The following HIVEP2 variants were observed in gnomAD, a reference collection of about 807,000 sequenced individuals.
HIVEP2 encodes transcription factor HIVEP2.
Under a neutral mutation model 180.7 loss-of-function variants are expected in HIVEP2, and 14 were observed. That is an observed-to-expected ratio of 0.08 (90% confidence interval 0.05 to 0.12). The LOEUF (loss-of-function observed/expected upper bound fraction) is 0.12. HIVEP2 is among the 10% of genes least tolerant of loss of function. The probability of loss-of-function intolerance (pLI) is 1.00; values close to 1 mark genes in which losing one functional copy is unlikely to be tolerated. For missense variants in HIVEP2, 2,579 were observed against 3,008.5 expected (o/e 0.86, Z 3.34); for synonymous variants, 1,184 against 1,136.4 (o/e 1.04, Z -0.84).
At chr6:142,889,158 GGACACTGCATT>G (rs1456248310) in intron 1 of HIVEP2, among the ~76,000 whole-genome samples, 5 of 152,180 alleles carry the variant, frequency 3.3e-5, no homozygotes, top group Non-Finnish European at 5.9e-5. Context: ...CTGAATGACA[GGACACTGCATT>G]GACATTTTAA....
At chr6:142,942,348 T>G (rs141140696) in intron 1 of HIVEP2, among the ~76,000 whole-genome samples, 2,888 of 151,994 alleles carry the variant, frequency 0.019, 57 homozygotes, top group Non-Finnish European at 0.027. Context: ...TTAAATTAAA[T>G]CAGCATAAAA....
intron 2 of HIVEP2, among the ~76,000 whole-genome samples, chr6:142,834,815 T>C (rs1277754559): frequency 6.6e-6 from 1 of 152,124 alleles, no homozygotes; most frequent in Non-Finnish European, 1.5e-5. Context: ...TAAAATTTAT[T>C]ATTTGTAAAA....
chr6:142,767,242 T>G (rs1775400837), intron 6 of HIVEP2, among the ~76,000 whole-genome samples: 1 of 152,178 alleles, frequency 6.6e-6, no homozygotes, highest in Admixed American at 6.5e-5. Flanking sequence ...TCTCAGTCTC[T>G]GAGGAGAGAT....
chr6:142,753,045 C>A lies in HIVEP2; in HGVS notation c.*62G>T. 2 of 1,027,456 alleles carry A rather than the reference C, an allele frequency of 1.9e-6. No homozygotes were observed. Among genetic ancestry groups the A allele is most frequent in the Non-Finnish European group, 3.0e-6 (2 of 655,994 alleles). The allele number at this position is 1,027,456 out of a possible 1,614,324, so 63.6% of individuals were successfully genotyped here. A position where few individuals can be genotyped will look rare whatever the true frequency, so the allele number is the denominator to read the frequency against. ...GCTATAAACTGGATTACCTCCATTT[C>A]TAGAAAAACAAAAACAAAAAAATGG... On this transcript the variant is annotated 3_prime_UTR_variant, in exon 10 of 10. Transcript: ENST00000367603.
At chr6:142,796,442 C>T (rs1776280924) in intron 2 of HIVEP2, among the ~76,000 whole-genome samples, 2 of 152,116 alleles carry the variant, frequency 1.3e-5, no homozygotes, top group Admixed American at 1.3e-4. Context: ...GTATTATATA[C>T]TGTATTCCTA....
intron 1 of HIVEP2, among the ~76,000 whole-genome samples, chr6:142,882,050 T>C (rs550434272): frequency 1.3e-5 from 2 of 152,290 alleles, no homozygotes; most frequent in African/African-American, 4.8e-5. Flanking sequence ...TCACGCTCTC[T>C]CCTGACATCA....
At chr6:142,798,274 AAAAAG>A (rs547612498) in intron 2 of HIVEP2, among the ~76,000 whole-genome samples, 121 of 152,202 alleles carry the variant, frequency 7.9e-4, no homozygotes, top group African/African-American at 2.4e-3. Context: ...GTCTCAAAAA[AAAAAG>A]AAAAGAAAAG....
In HIVEP2 at chr6:142,783,556, G is replaced by A. The variant is rs1235204046; in HGVS notation, c.-468C>T. 2 of 151,952 alleles carry A rather than the reference G, an allele frequency of 1.3e-5. No homozygotes were observed. The highest frequency in any genetic ancestry group is 1.5e-5 in the Non-Finnish European group (1 of 67,986). The allele number at this position is 151,952 out of a possible 1,614,324, so 9.4% of individuals were successfully genotyped here. On this transcript the variant is annotated 5_prime_UTR_variant, in exon 3 of 10. It adds an upstream start codon to the 5' untranslated region. Transcript: ENST00000367603. ...CATATCAAAAAACTGCATCACAACC[G>A]TCTTTGATTTCCAAGATGCCAACTC...
intron 1 of HIVEP2, among the ~76,000 whole-genome samples, chr6:142,862,378 C>A (rs1001826489): frequency 6.7e-6 from 1 of 149,172 alleles, no homozygotes; most frequent in African/African-American, 2.5e-5. Context: ...TACATATAAT[C>A]GATTACATGT....
chr6:142,815,577 G>T (rs1314069383), intron 2 of HIVEP2, among the ~76,000 whole-genome samples: 14 of 152,082 alleles, frequency 9.2e-5, no homozygotes, highest in African/African-American at 2.4e-4. Context: ...TTCTAACATA[G>T]ATTAATCTTT....
At chr6:142,849,591 T>G (rs1775598558) in intron 1 of HIVEP2, among the ~76,000 whole-genome samples, 1 of 152,044 alleles carries the variant, frequency 6.6e-6, no homozygotes. Context: ...CAAGGCTCAT[T>G]GCAGCCTTGA....
At chr6:142,909,640 T>C (rs1391277967) in intron 1 of HIVEP2, among the ~76,000 whole-genome samples, 2 of 152,224 alleles carry the variant, frequency 1.3e-5, no homozygotes, top group Non-Finnish European at 2.9e-5. Flanking sequence ...GTCATTATCA[T>C]AAACATAGAT....
At chr6:142,801,413 CAAAA>C (rs10569495) in intron 2 of HIVEP2, among the ~76,000 whole-genome samples, 166 of 102,870 alleles carry the variant, frequency 1.6e-3, no homozygotes, top group African/African-American at 5.7e-3. Flanking sequence ...GACTCTGTCT[CAAAA>C]AAAAAAAAAA....
chr6:142,815,715 G>A (rs1776816053), intron 2 of HIVEP2, among the ~76,000 whole-genome samples: 1 of 152,178 alleles, frequency 6.6e-6, no homozygotes. Context: ...ATTGTGCTAA[G>A]CGTTTCACAT....
intron 2 of HIVEP2, among the ~76,000 whole-genome samples, chr6:142,826,862 A>G (rs890444459): frequency 6.6e-6 from 1 of 152,216 alleles, no homozygotes; most frequent in Admixed American, 6.5e-5. Flanking sequence ...AGAAGGATGT[A>G]TTTTATCTAA....
At chr6:142,856,688 C>T (rs975239687) in intron 1 of HIVEP2, among the ~76,000 whole-genome samples, 4 of 152,216 alleles carry the variant, frequency 2.6e-5, no homozygotes, top group African/African-American at 9.6e-5. Context: ...AAATGCTTGG[C>T]TTGGAGACCA....
rs145022051 is a variant in HIVEP2, at chr6:142,865,941, G to C, written c.-640-28894C>G. On this transcript the variant is annotated intron_variant, in intron 1 of 9. Transcript: ENST00000367603. ...CCTCTTCTTACAGTGAAAAAGCACAGACTTTTGAGGATCAGACCTTGGTTC... is the reference window on the plus strand; with the variant it reads ...CCTCTTCTTACAGTGAAAAAGCACACACTTTTGAGGATCAGACCTTGGTTC... Among the ~76,000 whole-genome samples, 674 of 152,234 alleles carry C rather than the reference G, an allele frequency of 4.4e-3. 3 individuals carry two copies. Among genetic ancestry groups the C allele is most frequent in the African/African-American group, 0.015 (635 of 41,546 alleles).
chr6:142,788,579 G>A (rs1776063817), intron 2 of HIVEP2: 1 of 152,254 alleles, frequency 6.6e-6, no homozygotes, highest in African/African-American at 2.4e-5. Flanking sequence ...CGGGTGTGGT[G>A]GCTGGAACCT....
chr6:142,911,296 C>T (rs774976103), intron 1 of HIVEP2, among the ~76,000 whole-genome samples: 7 of 152,042 alleles, frequency 4.6e-5, no homozygotes, highest in Non-Finnish European at 7.4e-5. Flanking sequence ...AAGTTTGGGG[C>T]AGAATTTAAA....
Sources: gnomAD v4.1 joint callset for allele counts (sites outside exome capture counted in the v4.1 genomes callset) on GRCh38, gnomAD v4.1.1 for gene constraint, MANE v1.5 for transcripts, NCBI Gene and HGNC (gene_info 2026-07-23, HGNC 2026-07-21) for gene names.